DIAPH3: variants seen among roughly 807,000 people sequenced by gnomAD.
DIAPH3 encodes the protein protein diaphanous homolog 3.
A neutral mutation model predicts 144.3 loss-of-function variants in DIAPH3; 117 were observed. That is an observed-to-expected ratio of 0.81 (90% CI 0.70 to 0.95). The LOEUF is 0.95. Ranked by LOEUF, DIAPH3 falls within the 40% of genes least tolerant of loss-of-function variation. The pLI, the probability that DIAPH3 is intolerant of heterozygous loss-of-function variation, is 0.00. For missense variants in DIAPH3, 1,421 were observed against 1,412.7 expected, an observed-to-expected ratio of 1.01 and a Z score of -0.09; for synonymous variants, 519 against 488.9, an observed-to-expected ratio of 1.06 and a Z score of -0.81.
chr13:59,888,577 C>T (rs2045593604), intron 20 of DIAPH3, among the ~76,000 whole-genome samples: 1 of 151,994 alleles, frequency 6.6e-6, no homozygotes. Context: ...CTTAATGTAT[C>T]AATCTAATTG....
intron 27 of DIAPH3, among the ~76,000 whole-genome samples, chr13:59,761,278 C>G (rs1485078895): frequency 6.6e-6 from 1 of 152,126 alleles, no homozygotes; most frequent in African/African-American, 2.4e-5. Context: ...CACGAAAAGT[C>G]ACTTCTTTAT....
intron 12 of DIAPH3, 62 bp from the exon 13 acceptor site, chr13:59,983,949 A>G (rs907685417): frequency 1.4e-5 from 15 of 1,093,824 alleles, no homozygotes; most frequent in African/African-American, 3.1e-5. Context: ...CATCAAAACA[A>G]AACTTTTTGG....
At chr13:59,738,961 T>C (rs542971155) in intron 27 of DIAPH3, among the ~76,000 whole-genome samples, 2 of 152,318 alleles carry the variant, frequency 1.3e-5, no homozygotes, top group South Asian at 4.1e-4. Context: ...TTTGCTTCCT[T>C]TTTTTCCCCC....
intron 2 of DIAPH3, 110 bp downstream of exon 2, chr13:60,132,847 T>C: frequency 1.1e-6 from 1 of 887,134 alleles, no homozygotes; most frequent in Non-Finnish European, 1.8e-6. Context: ...AATAGTACGT[T>C]TCCAATATAT....
At chr13:59,712,656 A>T (rs1950071989) in intron 27 of DIAPH3, among the ~76,000 whole-genome samples, 1 of 152,186 alleles carries the variant, frequency 6.6e-6, no homozygotes, top group African/African-American at 2.4e-5. Context: ...GCTCACCTTC[A>T]GAGTAGGTTG....
chr13:60,022,715 C>T (rs1315560359), intron 5 of DIAPH3, among the ~76,000 whole-genome samples: 1 of 152,156 alleles, frequency 6.6e-6, no homozygotes, highest in African/African-American at 2.4e-5. Flanking sequence ...TAATTAATTA[C>T]ACTGCAATGA....
chr13:59,799,465 A>C (rs114852483), intron 25 of DIAPH3, among the ~76,000 whole-genome samples: 2 of 151,910 alleles, frequency 1.3e-5, no homozygotes, highest in Non-Finnish European at 2.9e-5. Context: ...TAGGCTGATG[A>C]CTCAGTCATA....
intron 20 of DIAPH3, among the ~76,000 whole-genome samples, chr13:59,882,622 AAAT>A (rs1192481896): frequency 6.6e-6 from 1 of 152,192 alleles, no homozygotes; most frequent in Non-Finnish European, 1.5e-5. Context: ...TATGGTGCTC[AAAT>A]AATACTCTGA....
At chr13:60,088,090 C>A (rs2057807674) in intron 4 of DIAPH3, among the ~76,000 whole-genome samples, 1 of 152,044 alleles carries the variant, frequency 6.6e-6, no homozygotes, top group East Asian at 1.9e-4. Flanking sequence ...CGGGGGAGTG[C>A]AACATGCTAA....
At chr13:59,844,074 C>A (rs769293447) in intron 22 of DIAPH3, among the ~76,000 whole-genome samples, 2 of 149,296 alleles carry the variant, frequency 1.3e-5, no homozygotes, top group Non-Finnish European at 3.0e-5. Context: ...ATGTAACAAA[C>A]CTGCACATCC....
chr13:60,136,844 A>C (rs575719664), intron 1 of DIAPH3, among the ~76,000 whole-genome samples: 1 of 152,036 alleles, frequency 6.6e-6, no homozygotes, highest in East Asian at 1.9e-4. Context: ...GGAGGCTGAG[A>C]CAGGAGAATG....
intron 27 of DIAPH3, among the ~76,000 whole-genome samples, chr13:59,713,093 C>T (rs2034834141): frequency 6.6e-6 from 1 of 152,166 alleles, no homozygotes; most frequent in African/African-American, 2.4e-5. Context: ...ATGTGCCACC[C>T]AGTTCCTAAC....
Position 59,666,496 on chromosome 13 carries a change from C to A in DIAPH3, c.*88G>T. 6.8e-7 allele frequency: 1 copy of A among 1,478,748 alleles called. No individual in the cohort carries two copies. The highest frequency in any genetic ancestry group is 9.2e-7 in the Non-Finnish European group (1 of 1,089,074). 91.6% of individuals were successfully genotyped at this position (1,478,748 alleles called of 1,614,324 possible). A position where few individuals can be genotyped will look rare whatever the true frequency, so the allele number is the denominator to read the frequency against. ...CATAATTTAAAACTATATAAAGTCA[C>A]TTACATAAAAGCAATTTTTTCAAGT... On this transcript the variant is annotated 3_prime_UTR_variant, in exon 28 of 28. Transcript: ENST00000400324.
In DIAPH3 at chr13:59,749,380, C is replaced by T. The variant is rs1178525221; in HGVS notation, c.3319+24809G>A. 2.8e-3 allele frequency among the ~76,000 whole-genome samples: 414 copies of T among 145,428 alleles called. 3 individuals are homozygous for T. Among genetic ancestry groups the T allele is most frequent in the African/African-American group, 9.9e-3 (391 of 39,408 alleles). ...CTAAAAATACAAAAAATTAGCCAGG[C>T]GTGGTGGTGGGCACCTGTAGTCCCA... On this transcript the variant is annotated intron_variant, in intron 27 of 27. Coordinates refer to ENST00000400324, the MANE Select transcript of DIAPH3 (RefSeq NM_001042517.2).
At position 59,916,155 on chromosome 13, in the gene DIAPH3, C is replaced by T; in HGVS notation, c.2265G>A (p.Gln755=). ...ATTTAAGCTGTGCCTGTTTGTTTAC[C>T]TGAATCATAGACTCTGCCAACCGTG... The part of the protein sequence containing the change: ...DETRLAESMI[Q]NLIKHLPDQE... Residue 755 remains glutamine, a splice_region_variant and synonymous_variant, in exon 19 of 28, where the codon CAG becomes CAA. Transcript: ENST00000400324. 6.2e-7 allele frequency: 1 copy of T among 1,611,596 alleles called. No homozygotes were observed. Among genetic ancestry groups the T allele is most frequent in the South Asian group, 1.1e-5 (1 of 91,006 alleles).
chr13:60,083,747 T>A (rs182200874), intron 4 of DIAPH3, among the ~76,000 whole-genome samples: 81 of 152,004 alleles, frequency 5.3e-4, no homozygotes, highest in Non-Finnish European at 9.6e-4. Context: ...AAAAAAAAAT[T>A]TTAAATAAAG....
chr13:59,949,286 G>A (rs1428727110), intron 17 of DIAPH3, among the ~76,000 whole-genome samples: 1 of 152,144 alleles, frequency 6.6e-6, no homozygotes, highest in African/African-American at 2.4e-5. Context: ...TTAAGGCCAA[G>A]TGCAACAGCT....
chr13:59,764,451 G>T (rs1241598792), intron 27 of DIAPH3, among the ~76,000 whole-genome samples: 3 of 151,476 alleles, frequency 2.0e-5, no homozygotes, highest in Non-Finnish European at 4.4e-5. Flanking sequence ...ATTTGCCACT[G>T]GGGCCCTGTG....
chr13:59,977,639 C>T (rs1477145198), intron 14 of DIAPH3, among the ~76,000 whole-genome samples: 1 of 151,582 alleles, frequency 6.6e-6, no homozygotes, highest in African/African-American at 2.4e-5. Flanking sequence ...TGAAGGCCTT[C>T]CTGAATTGAG....
Sources: gnomAD v4.1 joint callset for allele counts (sites outside exome capture counted in the v4.1 genomes callset) on GRCh38, gnomAD v4.1.1 for gene constraint, MANE v1.5 for transcripts, NCBI Gene and HGNC (gene_info 2026-07-23, HGNC 2026-07-21) for gene names.